Variants in TSHZ2 observed in about 807,000 individuals in gnomAD.
The protein encoded by TSHZ2 is teashirt homolog 2.
In TSHZ2, 21 loss-of-function variants were observed where a neutral mutation model predicts 74.4. The ratio of observed to expected loss-of-function variants is 0.28; its 90% CI spans 0.20 to 0.41. TSHZ2 has a LOEUF of 0.41. TSHZ2 is among the 10% of genes least tolerant of loss of function. The pLI is 1.00. For synonymous variants in TSHZ2, 540 were observed against 515.3 expected (o/e 1.05, Z -0.65); for missense variants, 1,244 against 1,293.5 (o/e 0.96, Z 0.59).
intron 1 of TSHZ2, among the ~76,000 whole-genome samples, chr20:53,166,983 C>T (rs1198463055): frequency 1.3e-5 from 2 of 152,094 alleles, no homozygotes; most frequent in African/African-American, 2.4e-5. Context: ...ACTATGGAGA[C>T]AACGGTCAGA....
At chr20:53,004,132 C>A (rs535054254) in intron 1 of TSHZ2, among the ~76,000 whole-genome samples, 11 of 151,752 alleles carry the variant, frequency 7.2e-5, no homozygotes, top group African/African-American at 2.7e-4. Flanking sequence ...ATGGAACACG[C>A]ACCCACTCCC....
chr20:53,360,116 C>A (rs918211473), intron 2 of TSHZ2, among the ~76,000 whole-genome samples: 1 of 152,180 alleles, frequency 6.6e-6, no homozygotes, highest in Non-Finnish European at 1.5e-5. Context: ...TGCTGAGTTT[C>A]TGTGCAATAG....
chr20:53,142,910 CGT>C (rs1987442249), intron 1 of TSHZ2, among the ~76,000 whole-genome samples: 1 of 152,020 alleles, frequency 6.6e-6, no homozygotes, highest in South Asian at 2.1e-4. Flanking sequence ...CCAAAAATAG[CGT>C]GTTTTTTGCT....
intron 2 of TSHZ2, among the ~76,000 whole-genome samples, chr20:53,446,595 AG>A (rs374785277): frequency 2.1e-5 from 3 of 143,286 alleles, no homozygotes; most frequent in Non-Finnish European, 4.6e-5. Flanking sequence ...AAAAAAAAAA[AG>A]AGAGAGAAGG....
At position 53,001,218 on chromosome 20, in the gene TSHZ2, G is replaced by GTGTGTGTGTGTGTGTATA. The variant is rs1555813581; in HGVS notation, c.40+27900_40+27901insATATGTGTGTGTGTGTGT. Among the ~76,000 whole-genome samples the GTGTGTGTGTGTGTGTATA allele has an allele frequency of 2.0e-3, 293 of 145,246 alleles. 2 individuals carry two copies. The highest frequency in any genetic ancestry group is 7.2e-3 in the African/African-American group (275 of 38,210). On this transcript the variant is annotated intron_variant, in intron 1 of 2. Transcript: ENST00000371497. ...TGCGTTCATGTGCGTGTGTGTGTGT[G>GTGTGTGTGTGTGTGTATA]TGTGTGTGTGTGTGTGTGTGTGTGT...
chr20:53,034,377 C>G (rs1423952732), intron 1 of TSHZ2, among the ~76,000 whole-genome samples: 1 of 152,048 alleles, frequency 6.6e-6, no homozygotes, highest in Non-Finnish European at 1.5e-5. Context: ...GGTGTCTGCC[C>G]CATAGAGGTA....
At chr20:53,118,431 A>G (rs1986726199) in intron 1 of TSHZ2, among the ~76,000 whole-genome samples, 1 of 152,110 alleles carries the variant, frequency 6.6e-6, no homozygotes, top group South Asian at 2.1e-4. Context: ...AAATAAAACA[A>G]AAACTTACGA....
intron 1 of TSHZ2, among the ~76,000 whole-genome samples, chr20:53,154,485 CT>C (rs1987747178): frequency 6.6e-6 from 1 of 152,206 alleles, no homozygotes; most frequent in Non-Finnish European, 1.5e-5. Context: ...TGCACAACCA[CT>C]GCGGGTGCCC....
intron 1 of TSHZ2, among the ~76,000 whole-genome samples, chr20:53,084,380 T>G (rs1019076965): frequency 6.6e-6 from 1 of 152,210 alleles, no homozygotes; most frequent in African/African-American, 2.4e-5. Flanking sequence ...ACTAAGATTT[T>G]TCACTGTTTG....
intron 1 of TSHZ2, among the ~76,000 whole-genome samples, chr20:53,119,457 A>G (rs370287180): frequency 2.6e-5 from 4 of 152,188 alleles, no homozygotes; most frequent in African/African-American, 9.7e-5. Flanking sequence ...AGTTCATGGA[A>G]GCTCAGAGCC....
chr20:53,001,218 G>GTGTGTGTGTGTGTGTGTGTGTATA (rs1555813584), intron 1 of TSHZ2, among the ~76,000 whole-genome samples: 12 of 145,156 alleles, frequency 8.3e-5, no homozygotes, highest in African/African-American at 3.1e-4. Flanking sequence ...GTGTGTGTGT[G>GTGTGTGTGTGTGTGTGTGTGTATA]TGTGTGTGTG....
chr20:53,087,789 C>CTGG (rs1985744861), intron 1 of TSHZ2, among the ~76,000 whole-genome samples: 1 of 152,130 alleles, frequency 6.6e-6, no homozygotes, highest in Non-Finnish European at 1.5e-5. Context: ...CTGTGTAGTA[C>CTGG]CTCTGCTTCT....
At chr20:53,050,103 G>GTATATATATATATATATATATATATATA (rs71897861) in intron 1 of TSHZ2, among the ~76,000 whole-genome samples, 15 of 116,058 alleles carry the variant, frequency 1.3e-4, no homozygotes, top group African/African-American at 2.7e-4. Flanking sequence ...GTATATGTGT[G>GTATATATATATATATATATATATATATA]TATATATATA....
chr20:53,298,098 T>A (rs903895027), intron 2 of TSHZ2, among the ~76,000 whole-genome samples: 2 of 152,218 alleles, frequency 1.3e-5, no homozygotes, highest in Non-Finnish European at 2.9e-5. Flanking sequence ...CATGTCCTTC[T>A]TGACCCAAAA....
Position 53,433,584 on chromosome 20 carries a change from G to GACACACACACACAC in TSHZ2, c.*9-53534_*9-53521dup, listed in dbSNP as rs59162370. Among the ~76,000 whole-genome samples the GACACACACACACAC allele has an allele frequency of 7.1e-3, 976 of 137,116 alleles. 11 individuals carry two copies. Among genetic ancestry groups the GACACACACACACAC allele is most frequent in the East Asian group, 0.027 (127 of 4,698 alleles). 90.0% of individuals were successfully genotyped at this position (137,116 alleles called of 152,430 possible). A position where few individuals can be genotyped will look rare whatever the true frequency, so the allele number is the denominator to read the frequency against. On this transcript the variant is annotated intron_variant, in intron 2 of 2. Coordinates refer to ENST00000371497, the MANE Select transcript of TSHZ2 (RefSeq NM_173485.6). ...ACCAACACAGACACACAGACACACA[G>GACACACACACACAC]ACACACACACACACACACACACACA... is the stretch of plus-strand genomic sequence containing the variant.
rs931580560 is a variant in TSHZ2 at position 52,973,192 on chromosome 20, G to A, written c.-102G>A. ...GCCGAGTGACGTCCTAGGAGCCACC[G>A]GGCAAGAGGCGGAGGAGACCCAGAG... On this transcript the variant is annotated 5_prime_UTR_variant, in exon 1 of 3. Coordinates refer to ENST00000371497, the MANE Select transcript of TSHZ2 (RefSeq NM_173485.6). The A allele has an allele frequency of 3.8e-5, 56 of 1,475,022 alleles. No individual in the cohort carries two copies. The highest frequency in any genetic ancestry group is 6.1e-5 in the Admixed American group (3 of 48,862). 91.4% of individuals were successfully genotyped at this position (1,475,022 alleles called of 1,614,324 possible).
chr20:53,347,181 T>G (rs992554851), intron 2 of TSHZ2, among the ~76,000 whole-genome samples: 14 of 152,224 alleles, frequency 9.2e-5, no homozygotes, highest in African/African-American at 3.1e-4. Context: ...CATTTGAGGC[T>G]GGATCATTCT....
At chr20:53,104,459 C>T (rs1324355741) in intron 1 of TSHZ2, among the ~76,000 whole-genome samples, 1 of 152,172 alleles carries the variant, frequency 6.6e-6, no homozygotes, top group Non-Finnish European at 1.5e-5. Context: ...ATATTATCAC[C>T]TGGAGAGCAC....
chr20:53,460,261 T>G (rs1201629686), intron 2 of TSHZ2, among the ~76,000 whole-genome samples: 1 of 152,108 alleles, frequency 6.6e-6, no homozygotes, highest in African/African-American at 2.4e-5. Context: ...CATTTCTTTT[T>G]ATTCTTTTTT....
Sources: gnomAD v4.1 joint callset for allele counts (sites outside exome capture counted in the v4.1 genomes callset) on GRCh38, gnomAD v4.1.1 for gene constraint, MANE v1.5 for transcripts, NCBI Gene and HGNC (gene_info 2026-07-23, HGNC 2026-07-21) for gene names.